The following PTK7 variants were observed in gnomAD, a reference collection of about 807,000 sequenced individuals.
PTK7 encodes the protein protein tyrosine kinase 7 (inactive).
Under a neutral mutation model 116.6 loss-of-function variants are expected in PTK7, and 39 were observed. That is an observed-to-expected ratio of 0.33 (90% confidence interval 0.26 to 0.44). The LOEUF (loss-of-function observed/expected upper bound fraction) is 0.44, where lower values mean the gene tolerates loss of function less well. PTK7 is among the 20% of genes least tolerant of loss of function. The pLI, the probability that PTK7 is intolerant of heterozygous loss-of-function variation, is 1.00. For missense variants in PTK7, 1,169 were observed against 1,425.6 expected (o/e 0.82, Z 2.90); for synonymous variants, 546 against 563.6 (o/e 0.97, Z 0.44).
chr6:43,080,954 T>TACACACAC lies in PTK7; in HGVS notation c.79+4403_79+4410dup, dbSNP rs59525398. 1.6e-3 allele frequency among the ~76,000 whole-genome samples: 243 copies of TACACACAC among 148,324 alleles called. 1 individual carries two copies. The highest frequency in any genetic ancestry group is 5.6e-3 in the African/African-American group (228 of 40,372). On this transcript the variant is annotated intron_variant, in intron 1 of 19. Coordinates refer to ENST00000230419, the MANE Select transcript of PTK7 (RefSeq NM_002821.5). ...GAGACTCCGTCTCAAAAAAAAAAAATACACACACACACACACACACACAGC... is the reference window on the plus strand; with the variant it reads ...GAGACTCCGTCTCAAAAAAAAAAAATACACACACACACACACACACACACACACACAGC...
In PTK7 at chr6:43,143,544, C is replaced by T; in HGVS notation, c.2175C>T (p.Tyr725=). ...YIIAVLGLMF[Y]CKKRCKAKRL... Reference sequence around the variant, plus strand: ...TTGCCGTGCTGGGCCTCATGTTCTACTGCAAGAAGCGCTGCAAAGCCAAGC... The same window carrying T: ...TTGCCGTGCTGGGCCTCATGTTCTATTGCAAGAAGCGCTGCAAAGCCAAGC... Residue 725 remains tyrosine, a synonymous_variant, in exon 14 of 20, where the codon TAC becomes TAT. Coordinates refer to ENST00000230419, the MANE Select transcript of PTK7 (RefSeq NM_002821.5). This position sits in a 1 kb window ranked among gnomAD's most constrained non-coding sequence, Gnocchi z 4.2. 4.3e-6 allele frequency: 7 copies of T among 1,614,060 alleles called. No homozygotes were observed. Among genetic ancestry groups the T allele is most frequent in the Non-Finnish European group, 5.9e-6 (7 of 1,180,042 alleles).
intron 1 of PTK7, among the ~76,000 whole-genome samples, chr6:43,104,546 G>T (rs985634524): frequency 6.6e-6 from 1 of 152,036 alleles, no homozygotes; most frequent in Admixed American, 6.6e-5. Context: ...GAGAAGCTGG[G>T]ATTACAGGCA....
intron 1 of PTK7, among the ~76,000 whole-genome samples, chr6:43,128,532 C>G (rs989538065): frequency 6.6e-6 from 1 of 152,232 alleles, no homozygotes; most frequent in Non-Finnish European, 1.5e-5. Context: ...CGCCTGTAAT[C>G]CTAGCACTTT....
At chr6:43,078,260 T>TGC (rs1368362936) in intron 1 of PTK7, among the ~76,000 whole-genome samples, 3 of 148,682 alleles carry the variant, frequency 2.0e-5, no homozygotes, top group Admixed American at 6.8e-5. Flanking sequence ...TTAGTGTGTG[T>TGC]GCGCGCGTGT....
Position 43,139,345 on chromosome 6 carries a change from G to A in PTK7, c.1499-61G>A. 6.2e-7 allele frequency: 1 copy of A among 1,613,958 alleles called. No individual in the cohort carries two copies. The highest frequency in any genetic ancestry group is 8.5e-7 in the Non-Finnish European group (1 of 1,179,828). ...GGAAAGGGGAGGGAGCAGCAGGCCT[G>A]GCCACGGCCTCTCCAGCGGCCCCAA... On this transcript the variant is annotated intron_variant, in intron 9 of 19. Transcript: ENST00000230419. The surrounding 1 kb of genome is among the most constrained non-coding windows in gnomAD (Gnocchi z 4.6).
At chr6:43,104,004 C>T (rs755348964) in intron 1 of PTK7, among the ~76,000 whole-genome samples, 5 of 152,254 alleles carry the variant, frequency 3.3e-5, no homozygotes, top group South Asian at 2.1e-4. Flanking sequence ...GGTGAAGTAA[C>T]GATTAGGAAC....
intron 1 of PTK7, among the ~76,000 whole-genome samples, chr6:43,078,416 C>T (rs1012292834): frequency 6.6e-6 from 1 of 152,094 alleles, no homozygotes; most frequent in Non-Finnish European, 1.5e-5. Context: ...CCAAATGTGC[C>T]TTGTTGTGGA....
chr6:43,159,935 T>A lies in PTK7; in HGVS notation c.3021T>A (p.His1007Gln), dbSNP rs764600328. 6.2e-7 allele frequency: 1 copy of A among 1,614,042 alleles called. No individual in the cohort carries two copies. The highest frequency in any genetic ancestry group is 1.1e-5 in the South Asian group (1 of 91,068). ...WEVFTHGEMPHGGQADDEVLA... is the reference protein window; with the variant it reads ...WEVFTHGEMPQGGQADDEVLA... ...TGTTTACACATGGAGAGATGCCCCA[T>A]GGTGGGCAGGCAGATGATGAAGTAC... Residue 1007 changes from histidine (H) to glutamine (Q), a missense_variant, in exon 19 of 20, where the codon CAT (histidine) becomes CAA (glutamine). His to Gln is a conservative substitution (Grantham distance 24). This residue lies in a region of PTK7 where 678 missense variants were observed against 853.8 expected (regional missense o/e 0.79). Transcript: ENST00000230419.
chr6:43,144,602 G>T lies in PTK7; in HGVS notation c.2403G>T (p.Thr801=). 6.2e-7 allele frequency: 1 copy of T among 1,609,372 alleles called. No individual in the cohort carries two copies. The highest frequency in any genetic ancestry group is 8.5e-7 in the Non-Finnish European group (1 of 1,176,946). ...FPRSSLQPIT[T]LGKSEFGEVF... is the part of the protein sequence containing the mutation. ...GGTCTAGCCTGCAGCCCATCACCAC[G>T]CTGGGTATGTTGCCTTGACTACAGC... Residue 801 remains threonine (T), a synonymous_variant, in exon 15 of 20, where the codon ACG becomes ACT. Coordinates refer to ENST00000230419, the MANE Select transcript of PTK7 (RefSeq NM_002821.5).
intron 1 of PTK7, among the ~76,000 whole-genome samples, chr6:43,127,534 G>A (rs1769366053): frequency 6.6e-6 from 1 of 152,224 alleles, no homozygotes; most frequent in Non-Finnish European, 1.5e-5. Flanking sequence ...CTATAATGGT[G>A]CAGGAAGGGG....
chr6:43,126,983 G>A (rs1769329710), intron 1 of PTK7, among the ~76,000 whole-genome samples: 1 of 152,160 alleles, frequency 6.6e-6, no homozygotes, highest in Non-Finnish European at 1.5e-5. Context: ...GTTGGGAGAC[G>A]GACCAACACC....
chr6:43,093,206 T>G (rs1476384483), intron 1 of PTK7, among the ~76,000 whole-genome samples: 1 of 148,444 alleles, frequency 6.7e-6, no homozygotes, highest in Non-Finnish European at 1.5e-5. Flanking sequence ...TTTTTTTTTT[T>G]GAGACGGAGT....
chr6:43,078,526 A>AG (rs3838676), intron 1 of PTK7, among the ~76,000 whole-genome samples: 38,106 of 151,972 alleles, frequency 0.25, 6,955 homozygotes, highest in African/African-American at 0.52. Flanking sequence ...GCATGACTTC[A>AG]GGGGCAACGG....
chr6:43,157,353 TA>T (rs1561990333), intron 17 of PTK7, among the ~76,000 whole-genome samples: 1,588 of 10,294 alleles, frequency 0.15, 251 homozygotes, highest in Non-Finnish European at 0.22. Context: ...TATATATATA[TA>T]TATATATATA....
intron 19 of PTK7, among the ~76,000 whole-genome samples, chr6:43,160,179 G>T (rs760477933): frequency 6.6e-6 from 1 of 152,288 alleles, no homozygotes; most frequent in Non-Finnish European, 1.5e-5. Context: ...GCAGTGGCCC[G>T]ATCTCCGTTC....
chr6:43,131,073 ACAC>A (rs913203063), intron 5 of PTK7, among the ~76,000 whole-genome samples: 2 of 146,440 alleles, frequency 1.4e-5, no homozygotes, highest in African/African-American at 5.2e-5. Context: ...ACACACACAC[ACAC>A]ACTTTTTAGA....
chr6:43,144,893 T>C, intron 15 of PTK7: 2 of 417,058 alleles, frequency 4.8e-6, no homozygotes, highest in Non-Finnish European at 8.4e-6. Context: ...TAGGAAAAAA[T>C]ATGAGAAATC....
intron 1 of PTK7, among the ~76,000 whole-genome samples, chr6:43,094,774 G>A (rs147140060): frequency 0.016 from 2,466 of 151,890 alleles, 64 homozygotes; most frequent in African/African-American, 0.055. Flanking sequence ...TACTGCGCCC[G>A]GCCACAAAAT....
intron 1 of PTK7, among the ~76,000 whole-genome samples, chr6:43,108,724 G>A (rs922213526): frequency 6.6e-6 from 1 of 152,192 alleles, no homozygotes; most frequent in African/African-American, 2.4e-5. Flanking sequence ...TCAATAATGA[G>A]TTAGATGTAG....
Sources: gnomAD v4.1 joint callset for allele counts (sites outside exome capture counted in the v4.1 genomes callset) on GRCh38, gnomAD v4.1.1 for gene constraint, gnomAD v4.1.1 regional missense constraint, Gnocchi (gnomAD v3.1) non-coding constraint, MANE v1.5 for transcripts, NCBI Gene and HGNC (gene_info 2026-07-23, HGNC 2026-07-21) for gene names.